The following PARD3 variants were observed in gnomAD, a reference collection of about 807,000 sequenced individuals.
PARD3 encodes partitioning defective 3 homolog.
In PARD3, 75 loss-of-function variants were observed where a neutral mutation model predicts 155.4. The observed-to-expected ratio is 0.48, with a 90% CI of 0.40 to 0.58. PARD3 has a LOEUF of 0.58. Among genes scored for constraint, PARD3 ranks in the 20% least tolerant of loss-of-function variants. The pLI, the probability that PARD3 is intolerant of heterozygous loss-of-function variation, is 0.00. For missense variants in PARD3, 1,642 were observed against 1,721.7 expected (o/e 0.95, Z 0.82); for synonymous variants, 576 against 610.5 (o/e 0.94, Z 0.83).
chr10:34,787,228 A>G (rs1841078563), intron 1 of PARD3, among the ~76,000 whole-genome samples: 1 of 152,068 alleles, frequency 6.6e-6, no homozygotes, highest in South Asian at 2.1e-4. Flanking sequence ...ACAATACAGA[A>G]ATTAGCTGGG....
At chr10:34,132,272 T>C (rs1343897366) in intron 22 of PARD3, among the ~76,000 whole-genome samples, 1 of 152,206 alleles carries the variant, frequency 6.6e-6, no homozygotes, top group Non-Finnish European at 1.5e-5. Context: ...TGTTTTATTC[T>C]CAGAAATACC....
chr10:34,411,608 T>A (rs956041101), intron 5 of PARD3, among the ~76,000 whole-genome samples: 20 of 152,054 alleles, frequency 1.3e-4, no homozygotes, highest in African/African-American at 4.6e-4. Flanking sequence ...CCTTACACCA[T>A]TGGTTCTCCT....
chr10:34,136,347 G>T (rs1477847149), intron 22 of PARD3, among the ~76,000 whole-genome samples: 1 of 152,160 alleles, frequency 6.6e-6, no homozygotes, highest in Admixed American at 6.5e-5. Context: ...AGTATATGCT[G>T]AAAGAGAGGA....
intron 22 of PARD3, among the ~76,000 whole-genome samples, chr10:34,217,325 G>C (rs1005908366): frequency 6.6e-6 from 1 of 152,100 alleles, no homozygotes; most frequent in Non-Finnish European, 1.5e-5. Flanking sequence ...ACTGCTCACA[G>C]CTTTGGTGCA....
In PARD3 at chr10:34,331,276, T is replaced by A. The variant is rs1310085091; in HGVS notation, c.2674A>T (p.Thr892Ser). ...KKSSSLESLQ[T>S]AVAEVTLNGD... Reference sequence around the variant, plus strand: ...TTCAAAGTCACCTCGGCAACTGCGGTCTGCAGACTCTCCAACGAGCTTGAC... The same window carrying A: ...TTCAAAGTCACCTCGGCAACTGCGGACTGCAGACTCTCCAACGAGCTTGAC... Residue 892 changes from threonine (T) to serine (S), a missense_variant, in exon 19 of 25, where the codon ACC becomes TCC. Thr to Ser is a moderately conservative substitution (Grantham distance 58, BLOSUM62 1). Coordinates refer to ENST00000374788, the MANE Select transcript of PARD3 (RefSeq NM_001184785.2). The A allele has an allele frequency of 6.2e-7, 1 of 1,613,854 alleles. No homozygotes were observed. Among genetic ancestry groups the A allele is most frequent in the African/African-American group, 1.3e-5 (1 of 74,878 alleles).
At chr10:34,545,200 C>A (rs2083944947) in intron 2 of PARD3, among the ~76,000 whole-genome samples, 1 of 152,180 alleles carries the variant, frequency 6.6e-6, no homozygotes, top group African/African-American at 2.4e-5. Context: ...ACCCACCTTA[C>A]CTGATCTTTG....
At chr10:34,243,214 T>C (rs1007439088) in intron 22 of PARD3, among the ~76,000 whole-genome samples, 24 of 152,174 alleles carry the variant, frequency 1.6e-4, no homozygotes, top group African/African-American at 5.8e-4. Flanking sequence ...GTTACGGTGG[T>C]TCACGTACTG....
chr10:34,290,752 A>C (rs151164133), intron 20 of PARD3, among the ~76,000 whole-genome samples: 1 of 152,258 alleles, frequency 6.6e-6, no homozygotes, highest in East Asian at 1.9e-4. Context: ...TTGTACAGCC[A>C]TTGCATAACC....
At chr10:34,394,042 T>C (rs1410540498) in intron 7 of PARD3, among the ~76,000 whole-genome samples, 2 of 152,000 alleles carry the variant, frequency 1.3e-5, no homozygotes, top group Admixed American at 1.3e-4. Context: ...TTCACCATGT[T>C]GGCCAGGATG....
At position 34,802,972 on chromosome 10, in the gene PARD3, T is replaced by C. The variant is rs984786828; in HGVS notation, c.120+11904A>G. Among the ~76,000 whole-genome samples, 4 of 149,354 alleles carry C rather than the reference T, an allele frequency of 2.7e-5. No individual in the cohort carries two copies. In the Admixed American group the frequency reaches 2.7e-4, roughly 10 times the overall value. On this transcript the variant is annotated intron_variant, in intron 1 of 24. Transcript: ENST00000374788. The stretch of plus-strand genomic sequence containing the variant: ...CAGGCACGGTGACTCACACCTGTAA[T>C]CCCAGCACTCTGGGAAGCCAAGGCG...
chr10:34,696,133 T>C (rs2094167261), intron 2 of PARD3, among the ~76,000 whole-genome samples, 185 bp downstream of exon 2: 3 of 152,190 alleles, frequency 2.0e-5, no homozygotes, highest in Admixed American at 1.3e-4. Flanking sequence ...AAAATCATTA[T>C]ACCTTGGTAT....
chr10:34,497,843 A>AT (rs1343048850), intron 3 of PARD3, among the ~76,000 whole-genome samples: 2 of 152,120 alleles, frequency 1.3e-5, no homozygotes, highest in Non-Finnish European at 2.9e-5. Flanking sequence ...TTGCAGTGTG[A>AT]TTTTTTCCAT....
At chr10:34,162,595 C>T (rs1949340742) in intron 22 of PARD3, among the ~76,000 whole-genome samples, 1 of 152,192 alleles carries the variant, frequency 6.6e-6, no homozygotes, top group Non-Finnish European at 1.5e-5. Context: ...GAAGAGTATG[C>T]TTCCTGCCCT....
At chr10:34,738,555 C>A (rs2094955736) in intron 1 of PARD3, among the ~76,000 whole-genome samples, 1 of 150,342 alleles carries the variant, frequency 6.7e-6, no homozygotes, top group South Asian at 2.1e-4. Context: ...GGAAGAAAAG[C>A]CAACATACGG....
intron 2 of PARD3, among the ~76,000 whole-genome samples, chr10:34,563,711 A>G (rs2085694190): frequency 6.6e-6 from 1 of 152,036 alleles, no homozygotes; most frequent in African/African-American, 2.4e-5. Context: ...TCGTATTTTT[A>G]GTAGAGATGA....
intron 4 of PARD3, among the ~76,000 whole-genome samples, chr10:34,469,601 T>A (rs961562389): frequency 5.9e-5 from 9 of 152,156 alleles, no homozygotes; most frequent in Non-Finnish European, 1.2e-4. Context: ...TACCATGAAG[T>A]CCACTTTCAT....
At chr10:34,558,552 A>T (rs898450136) in intron 2 of PARD3, among the ~76,000 whole-genome samples, 1 of 152,204 alleles carries the variant, frequency 6.6e-6, no homozygotes, top group Non-Finnish European at 1.5e-5. Context: ...TATTCCAGAG[A>T]AAGTGTGCCT....
intron 5 of PARD3, among the ~76,000 whole-genome samples, chr10:34,422,497 T>C (rs976805914): frequency 1.3e-5 from 2 of 151,492 alleles, no homozygotes; most frequent in Non-Finnish European, 2.9e-5. Context: ...ACACAATGTA[T>C]GGAATAGAAG....
At chr10:34,562,074 C>T (rs572154844) in intron 2 of PARD3, among the ~76,000 whole-genome samples, 3 of 127,548 alleles carry the variant, frequency 2.4e-5, no homozygotes, top group African/African-American at 6.2e-5. Flanking sequence ...GGGGGTGAAC[C>T]GAGATCACGC....
Sources: allele counts gnomAD v4.1 joint callset (sites outside exome capture counted in the v4.1 genomes callset), GRCh38; gene constraint gnomAD v4.1.1; transcripts MANE v1.5; gene names NCBI Gene and HGNC (gene_info 2026-07-23, HGNC 2026-07-21).